NAV3: variants seen among roughly 807,000 people sequenced by gnomAD.
NAV3 encodes pore membrane and/or filament interacting like protein 1.
A neutral mutation model predicts 244.7 loss-of-function variants in NAV3; 87 were observed. The observed-to-expected ratio is 0.36, with a 90% confidence interval of 0.30 to 0.42. The LOEUF is 0.42. Ranked by LOEUF, NAV3 falls within the 20% of genes least tolerant of loss-of-function variation. NAV3 has a pLI of 1.00. For synonymous variants in NAV3, 1,126 were observed against 1,042.2 expected, an observed-to-expected ratio of 1.08 and a Z score of -1.55; for missense variants, 2,663 against 2,893.3, an observed-to-expected ratio of 0.92 and a Z score of 1.83.
At chr12:77,854,436 G>A (rs1878038041) in intron 1 of NAV3, among the ~76,000 whole-genome samples, 2 of 152,074 alleles carry the variant, frequency 1.3e-5, no homozygotes, top group Non-Finnish European at 2.9e-5. Flanking sequence ...GTTAATTTAC[G>A]AATGTACAAA....
chr12:78,191,421 C>T (rs1306391413), intron 34 of NAV3, among the ~76,000 whole-genome samples: 2 of 152,122 alleles, frequency 1.3e-5, no homozygotes, highest in African/African-American at 4.8e-5. Context: ...CATACACACA[C>T]ATATGCACAG....
chr12:77,782,561 T>A (rs1051557373), intron 2 of NAV3, among the ~76,000 whole-genome samples: 1 of 150,312 alleles, frequency 6.7e-6, no homozygotes, highest in African/African-American at 2.5e-5. Flanking sequence ...TGGGGAGAAC[T>A]TGGATTCCCT....
chr12:78,064,328 A>G (rs145654311), intron 12 of NAV3, among the ~76,000 whole-genome samples: 85 of 152,136 alleles, frequency 5.6e-4, no homozygotes, highest in African/African-American at 1.9e-3. Context: ...TGACTTCCAG[A>G]GAGTGGGTTT....
chr12:77,680,685 A>G (rs1874410233), intron 2 of NAV3, among the ~76,000 whole-genome samples: 1 of 152,088 alleles, frequency 6.6e-6, no homozygotes, highest in Non-Finnish European at 1.5e-5. Flanking sequence ...CCCTTTATTG[A>G]TTTTCAGGAA....
intron 1 of NAV3, among the ~76,000 whole-genome samples, chr12:77,875,577 G>T (rs886783246): frequency 2.0e-5 from 3 of 151,880 alleles, no homozygotes; most frequent in Non-Finnish European, 4.4e-5. Context: ...TTAAATTAAT[G>T]AATTTATGAA....
At chr12:77,623,723 C>T (rs1274102790) in intron 2 of NAV3, among the ~76,000 whole-genome samples, 1 of 152,092 alleles carries the variant, frequency 6.6e-6, no homozygotes. Flanking sequence ...CTCTTGAAAA[C>T]AATGAGAGAG....
intron 7 of NAV3, among the ~76,000 whole-genome samples, chr12:78,003,919 C>G (rs1053948779): frequency 6.6e-6 from 1 of 152,264 alleles, no homozygotes; most frequent in African/African-American, 2.4e-5. Flanking sequence ...TGATGTTCTC[C>G]CCATTTATAT....
chr12:78,191,313 GAGAC>G (rs1958967913), intron 34 of NAV3, among the ~76,000 whole-genome samples: 1 of 152,128 alleles, frequency 6.6e-6, no homozygotes, highest in Non-Finnish European at 1.5e-5. Context: ...GTGTGTGAGA[GAGAC>G]AGAGAGAACA....
chr12:78,067,029 G>A (rs1885097501), intron 12 of NAV3, among the ~76,000 whole-genome samples: 1 of 152,090 alleles, frequency 6.6e-6, no homozygotes, highest in Non-Finnish European at 1.5e-5. Context: ...ATAAGGGTGG[G>A]AGACCTTTAT....
rs142779342 is a variant in NAV3, at chr12:77,606,686, A to G, written c.72+34420A>G. On this transcript the variant is annotated intron_variant, in intron 2 of 8. Transcript: ENST00000550042. ...TTCAACAATAAAAGAATTTGATGCA[A>G]TCATTTAGGCTTGCTTTGATGAAGA... is the stretch of plus-strand genomic sequence containing the variant. 3.8e-3 allele frequency among the ~76,000 whole-genome samples: 581 copies of G among 152,246 alleles called. 3 individuals are homozygous for G. The highest frequency in any genetic ancestry group is 0.013 in the African/African-American group (548 of 41,572).
chr12:77,715,459 A>G (rs1046371219), intron 2 of NAV3, among the ~76,000 whole-genome samples: 7 of 152,082 alleles, frequency 4.6e-5, no homozygotes, highest in Non-Finnish European at 1.0e-4. Context: ...TTATTTATAT[A>G]TACATACACA....
intron 18 of NAV3, chr12:78,130,603 T>C: frequency 6.1e-6 from 1 of 164,876 alleles, no homozygotes; most frequent in South Asian, 1.7e-4. Flanking sequence ...ATAGAACTTT[T>C]TATTATCATC....
At chr12:78,143,933 G>T (rs1956744938) in intron 20 of NAV3, among the ~76,000 whole-genome samples, 1 of 152,036 alleles carries the variant, frequency 6.6e-6, no homozygotes, top group Non-Finnish European at 1.5e-5. Context: ...TTTTCATTGT[G>T]CTGTTGCTTT....
chr12:77,755,543 C>T (rs995045627), intron 2 of NAV3, among the ~76,000 whole-genome samples: 1 of 44,218 alleles, frequency 2.3e-5, no homozygotes, highest in African/African-American at 1.4e-4. Flanking sequence ...CTTTCCTTTC[C>T]TTTCCTTTCC....
intron 1 of NAV3, among the ~76,000 whole-genome samples, chr12:77,897,640 A>G (rs768139640): frequency 4.0e-5 from 6 of 149,950 alleles, no homozygotes; most frequent in African/African-American, 1.2e-4. Flanking sequence ...TTATTTCTCC[A>G]TGAGTTGTAC....
intron 2 of NAV3, among the ~76,000 whole-genome samples, chr12:77,590,672 A>G (rs711105): frequency 0.56 from 85,925 of 152,088 alleles, 24,768 homozygotes; most frequent in African/African-American, 0.68. Flanking sequence ...AGACCCGCAC[A>G]CTTGTGGTGG....
At chr12:77,966,420 T>C in intron 4 of NAV3, 119 bp downstream of exon 4, 1 of 804,282 alleles carries the variant, frequency 1.2e-6, no homozygotes. Context: ...AGGAAATTGG[T>C]GAAGTCTTCA....
intron 16 of NAV3, among the ~76,000 whole-genome samples, chr12:78,122,811 C>T (rs1400482624): frequency 6.6e-6 from 1 of 150,824 alleles, no homozygotes; most frequent in African/African-American, 2.4e-5. Context: ...TGAAATTATT[C>T]TATAGTTATG....
At chr12:78,061,220 C>T (rs1043965946) in intron 12 of NAV3, among the ~76,000 whole-genome samples, 31 of 152,274 alleles carry the variant, frequency 2.0e-4, no homozygotes, top group African/African-American at 7.5e-4. Context: ...GTTCAAGCAT[C>T]ACTATATTAA....
Sources: gnomAD v4.1 joint callset for allele counts (sites outside exome capture counted in the v4.1 genomes callset) on GRCh38, gnomAD v4.1.1 for gene constraint, MANE v1.5 for transcripts, NCBI Gene and HGNC (gene_info 2026-07-23, HGNC 2026-07-21) for gene names.